ERO1A: variants seen among roughly 807,000 people sequenced by gnomAD.
ERO1A encodes endoplasmic reticulum oxidoreductase 1 alpha.
A neutral mutation model predicts 76.9 loss-of-function variants in ERO1A; 49 were observed. The observed-to-expected ratio is 0.64, with a 90% CI of 0.51 to 0.81. The LOEUF (loss-of-function observed/expected upper bound fraction) is 0.81, where lower values mean the gene tolerates loss of function less well. Among genes scored for constraint, ERO1A ranks in the 30% least tolerant of loss-of-function variants. ERO1A has a pLI of 0.00. For missense variants in ERO1A, 448 were observed against 542.1 expected (o/e 0.83, Z 1.72); for synonymous variants, 174 against 181.2 (o/e 0.96, Z 0.32).
At chr14:52,654,814 C>G (rs900711222) in intron 11 of ERO1A, among the ~76,000 whole-genome samples, 2 of 151,996 alleles carry the variant, frequency 1.3e-5, no homozygotes, top group African/African-American at 4.8e-5. Context: ...CATCACAGCC[C>G]TTCTCCTTCT....
chr14:52,653,025 T>C (rs537399334), intron 12 of ERO1A, 44 bp downstream of exon 12: 11 of 1,351,300 alleles, frequency 8.1e-6, no homozygotes, highest in Admixed American at 2.1e-5. Flanking sequence ...TGTACATTAA[T>C]TGTCACTCTT....
chr14:52,669,715 G>A (rs1050509607), intron 6 of ERO1A, among the ~76,000 whole-genome samples: 1 of 134,660 alleles, frequency 7.4e-6, no homozygotes, highest in Non-Finnish European at 1.6e-5. Flanking sequence ...GGGGAGAAAT[G>A]TTCAGTTTTC....
intron 6 of ERO1A, 110 bp from the exon 7 acceptor site, chr14:52,666,605 G>C: frequency 1.9e-6 from 2 of 1,031,810 alleles, no homozygotes; most frequent in East Asian, 2.9e-5. Flanking sequence ...ATAACAATGT[G>C]TCAGGAATTT....
chr14:52,658,044 A>G (rs768309206), intron 10 of ERO1A, 35 bp from the exon 11 acceptor site: 36 of 1,532,042 alleles, frequency 2.3e-5, no homozygotes, highest in Non-Finnish European at 2.8e-5. Flanking sequence ...ATAAAATTTC[A>G]TATGTGAATC....
chr14:52,668,226 AT>A (rs1169643040), intron 6 of ERO1A, among the ~76,000 whole-genome samples: 4 of 152,218 alleles, frequency 2.6e-5, no homozygotes, highest in Non-Finnish European at 4.4e-5. Context: ...TAATAAATTC[AT>A]TTTTTAAACC....
intron 9 of ERO1A, among the ~76,000 whole-genome samples, chr14:52,659,936 T>C: frequency 6.6e-6 from 1 of 151,932 alleles, no homozygotes; most frequent in East Asian, 1.9e-4. Context: ...CAAGCTCAAG[T>C]GATCCTCCCA....
chr14:52,674,635 G>A (rs1043340731), intron 4 of ERO1A, among the ~76,000 whole-genome samples: 7 of 152,200 alleles, frequency 4.6e-5, no homozygotes, highest in African/African-American at 1.7e-4. Flanking sequence ...CTCTGTGTGT[G>A]TACAAGAAAA....
rs1046798242 is a variant in ERO1A at position 52,640,303 on chromosome 14, G to A, written c.*3267C>T. The A allele has an allele frequency of 1.3e-5, 2 of 152,344 alleles. No individual in the cohort carries two copies. Among genetic ancestry groups the A allele is most frequent in the Non-Finnish European group, 2.9e-5 (2 of 68,052 alleles). 9.4% of individuals were successfully genotyped at this position (152,344 alleles called of 1,614,324 possible). A position where few individuals can be genotyped will look rare whatever the true frequency, so the allele number is the denominator to read the frequency against. On this transcript the variant is annotated 3_prime_UTR_variant, in exon 16 of 16. Transcript: ENST00000395686. ...GTGGAGCAAAGGAGGTTTCACAGAG[G>A]AAATGCTTATGTCAGGCCTGCAAGA...
chr14:52,652,994 CAAA>C, intron 12 of ERO1A, 72 bp downstream of exon 12: 6 of 850,728 alleles, frequency 7.1e-6, no homozygotes, highest in South Asian at 2.1e-5. Flanking sequence ...GAGCCTGTCT[CAAA>C]AAAAAAAAAA....
At chr14:52,688,336 T>C (rs1020953281) in intron 1 of ERO1A, among the ~76,000 whole-genome samples, 1 of 152,200 alleles carries the variant, frequency 6.6e-6, no homozygotes, top group Non-Finnish European at 1.5e-5. Flanking sequence ...AGTTAGCGTG[T>C]ATGTTCTAAC....
intron 1 of ERO1A, among the ~76,000 whole-genome samples, chr14:52,688,233 G>C (rs1362289371): frequency 1.3e-5 from 2 of 151,862 alleles, no homozygotes; most frequent in Non-Finnish European, 2.9e-5. Flanking sequence ...TTAAGAGTTA[G>C]AAAGCCTTGG....
rs536094962 is a variant in ERO1A, at chr14:52,660,370, G to A, written c.688+923C>T. On this transcript the variant is annotated intron_variant, in intron 9 of 15. Transcript: ENST00000395686. ...AAATCATAGTAGCCTCCTCTAATGT[G>A]GCTAACAATATAGCATAGAACTAGG... Among the ~76,000 whole-genome samples the A allele has an allele frequency of 2.6e-4, 40 of 152,200 alleles. 1 individual carries two copies. In the South Asian group the frequency reaches 5.4e-3, roughly 21 times the overall value.
At chr14:52,658,757 C>T (rs1332010066) in intron 9 of ERO1A, among the ~76,000 whole-genome samples, 1 of 152,044 alleles carries the variant, frequency 6.6e-6, no homozygotes, top group African/African-American at 2.4e-5. Flanking sequence ...AGAACACTAT[C>T]TAACTAGTGA....
chr14:52,657,860 T>A, intron 11 of ERO1A, 57 bp downstream of exon 11: 1 of 1,285,370 alleles, frequency 7.8e-7, no homozygotes, highest in Non-Finnish European at 1.1e-6. Context: ...GCCAGGAAAA[T>A]TTTAAGAATA....
At chr14:52,684,809 C>CT (rs5808686) in intron 1 of ERO1A, among the ~76,000 whole-genome samples, 142,196 of 151,966 alleles carry the variant, frequency 0.94, 66,561 homozygotes, top group East Asian at 0.99. Flanking sequence ...CTTTTTTTTT[C>CT]TTTTTTCACC....
At chr14:52,648,689 TGAGA>T (rs2039753976) in intron 13 of ERO1A, among the ~76,000 whole-genome samples, 1 of 152,168 alleles carries the variant, frequency 6.6e-6, no homozygotes, top group Non-Finnish European at 1.5e-5. Flanking sequence ...CCCATACTTG[TGAGA>T]GTTGGAAGCC....
intron 9 of ERO1A, among the ~76,000 whole-genome samples, chr14:52,660,603 T>C (rs867990771): frequency 1.3e-5 from 2 of 152,188 alleles, no homozygotes; most frequent in African/African-American, 4.8e-5. Flanking sequence ...CAGACTTTAG[T>C]ATTCTGTTAT....
At chr14:52,677,076 G>A (rs1222566685) in intron 4 of ERO1A, among the ~76,000 whole-genome samples, 1 of 152,066 alleles carries the variant, frequency 6.6e-6, no homozygotes, top group Admixed American at 6.6e-5. Flanking sequence ...TTGCTTTATA[G>A]GGGCTTTGGC....
At chr14:52,666,908 G>A (rs990132386) in intron 6 of ERO1A, among the ~76,000 whole-genome samples, 2 of 152,198 alleles carry the variant, frequency 1.3e-5, no homozygotes, top group African/African-American at 2.4e-5. Context: ...TCCAGCTTGG[G>A]TGACAGAGCG....
Sources: gnomAD v4.1 joint callset for allele counts (sites outside exome capture counted in the v4.1 genomes callset) on GRCh38, gnomAD v4.1.1 for gene constraint, MANE v1.5 for transcripts, NCBI Gene and HGNC (gene_info 2026-07-23, HGNC 2026-07-21) for gene names.